SLAIN2: variants seen among roughly 807,000 people sequenced by gnomAD.
The protein encoded by SLAIN2 is SLAIN motif-containing protein 2.
A neutral mutation model predicts 56.6 loss-of-function variants in SLAIN2; 31 were observed. The ratio of observed to expected loss-of-function variants is 0.55; its 90% CI spans 0.41 to 0.74. SLAIN2 has a LOEUF of 0.74. Ranked by LOEUF, SLAIN2 falls within the 30% of genes least tolerant of loss-of-function variation. The pLI is 0.00. For missense variants in SLAIN2, 777 were observed against 754.2 expected (o/e 1.03, Z -0.35); for synonymous variants, 317 against 284.9 (o/e 1.11, Z -1.13).
Position 48,420,205 on chromosome 4 carries a change from C to T in SLAIN2, c.1441C>T (p.His481Tyr), listed in dbSNP as rs1717109449. The change falls in exon 7 of 8, where the codon CAT becomes TAT. Residue 481 changes from histidine to tyrosine, a missense_variant. His to Tyr is a moderately conservative substitution (Grantham distance 83, BLOSUM62 2). Coordinates refer to ENST00000264313, the MANE Select transcript of SLAIN2 (RefSeq NM_020846.2). ...LRQPVKAFSN[H>Y]GSGSPGSQEI... ...GCAACCAGTGAAAGCATTTAGTAACCATGGCTCTGGTTCTCCTGGTAGCCA... is the reference window on the plus strand; with the variant it reads ...GCAACCAGTGAAAGCATTTAGTAACTATGGCTCTGGTTCTCCTGGTAGCCA... 1 of 1,613,972 alleles carries T rather than the reference C, an allele frequency of 6.2e-7. No homozygotes were observed. Among genetic ancestry groups the T allele is most frequent in the Non-Finnish European group, 8.5e-7 (1 of 1,179,878 alleles).
intron 1 of SLAIN2, among the ~76,000 whole-genome samples, chr4:48,347,810 C>G (rs1343204079): frequency 6.6e-6 from 1 of 152,188 alleles, no homozygotes; most frequent in Non-Finnish European, 1.5e-5. Context: ...CATTCTGCTT[C>G]TCTGTCTATG....
At chr4:48,355,083 T>A (rs891066981) in intron 1 of SLAIN2, among the ~76,000 whole-genome samples, 13 of 151,942 alleles carry the variant, frequency 8.6e-5, no homozygotes, top group Admixed American at 2.6e-4. Context: ...GGTTTCGCCA[T>A]GTTGGCCAGG....
At chr4:48,353,497 A>G (rs768006680) in intron 1 of SLAIN2, among the ~76,000 whole-genome samples, 8 of 152,104 alleles carry the variant, frequency 5.3e-5, no homozygotes, top group Non-Finnish European at 1.2e-4. Flanking sequence ...TTTTTCCTTT[A>G]TAGTGAAAAT....
rs768057039 is a variant in SLAIN2, at chr4:48,369,894, G to A, written c.435G>A (p.Ser145=). ...AAAAACTTACACCAATGCAGAAATC[G>A]GTTAGTCCATTAGTTTGGTGCAGGC... The part of the protein sequence containing the change: ...PKKKLTPMQK[S]VSPLVWCRQV... Residue 145 remains serine, a synonymous_variant, in exon 2 of 8, where the codon TCG becomes TCA. Coordinates refer to ENST00000264313, the MANE Select transcript of SLAIN2 (RefSeq NM_020846.2). 6.2e-6 allele frequency: 10 copies of A among 1,613,562 alleles called. No individual in the cohort carries two copies. The highest frequency in any genetic ancestry group is 8.5e-6 in the Non-Finnish European group (10 of 1,179,662).
At chr4:48,368,911 A>C (rs771603694) in intron 1 of SLAIN2, among the ~76,000 whole-genome samples, 9 of 152,214 alleles carry the variant, frequency 5.9e-5, no homozygotes, top group Non-Finnish European at 1.2e-4. Flanking sequence ...TAGTTTGTCT[A>C]TTGTAGTTCT....
chr4:48,365,384 T>G lies in SLAIN2; in HGVS notation c.390-4465T>G, dbSNP rs1715486796. Reference sequence around the variant, plus strand: ...ACTCGGGAGGCTGAGGGAGAACAGCTTGAACCTGGGAAGTGGAGGTTGCAG... The same window carrying G: ...ACTCGGGAGGCTGAGGGAGAACAGCGTGAACCTGGGAAGTGGAGGTTGCAG... On this transcript the variant is annotated intron_variant, in intron 1 of 7. Transcript: ENST00000264313. 6.9e-5 allele frequency among the ~76,000 whole-genome samples: 10 copies of G among 145,196 alleles called. No homozygotes were observed. The Admixed American group carries it at 7.1e-4, about 10-fold the overall frequency.
intron 1 of SLAIN2, among the ~76,000 whole-genome samples, chr4:48,350,841 T>G (rs918613756): frequency 6.6e-6 from 1 of 152,260 alleles, no homozygotes; most frequent in Middle Eastern, 3.4e-3. Context: ...AATTAGAGAC[T>G]TTAGAGAAAA....
chr4:48,395,742 GA>G (rs1221542411), intron 6 of SLAIN2, among the ~76,000 whole-genome samples: 2 of 151,182 alleles, frequency 1.3e-5, no homozygotes, highest in Admixed American at 6.6e-5. Context: ...TGTTTGATGG[GA>G]AAGGAGGTGA....
At chr4:48,360,596 A>G (rs1715298535) in intron 1 of SLAIN2, among the ~76,000 whole-genome samples, 1 of 152,112 alleles carries the variant, frequency 6.6e-6, no homozygotes, top group Non-Finnish European at 1.5e-5. Flanking sequence ...TGTCTCCAAA[A>G]AAAATTAAAA....
intron 6 of SLAIN2, among the ~76,000 whole-genome samples, chr4:48,389,926 C>T (rs1244551653): frequency 6.6e-6 from 1 of 152,058 alleles, no homozygotes; most frequent in Non-Finnish European, 1.5e-5. Flanking sequence ...GAAGTTCACT[C>T]TGATATCAGT....
intron 6 of SLAIN2, among the ~76,000 whole-genome samples, chr4:48,404,814 A>G (rs1371162190): frequency 6.6e-6 from 1 of 152,182 alleles, no homozygotes; most frequent in Admixed American, 6.5e-5. Flanking sequence ...GGTCACCTGT[A>G]TCCAATCAAC....
chr4:48,363,980 C>G (rs1715431465), intron 1 of SLAIN2, among the ~76,000 whole-genome samples: 1 of 129,652 alleles, frequency 7.7e-6, no homozygotes, highest in African/African-American at 2.8e-5. Context: ...GGGCTGACCC[C>G]CCCCACCTCC....
intron 1 of SLAIN2, among the ~76,000 whole-genome samples, chr4:48,368,319 C>T (rs1192994228): frequency 6.6e-6 from 1 of 152,056 alleles, no homozygotes; most frequent in African/African-American, 2.4e-5. Context: ...CCTTGGCCTC[C>T]CAAAGTGCTG....
chr4:48,382,744 C>T lies in SLAIN2; in HGVS notation c.1039C>T (p.Arg347Cys), dbSNP rs373672744. 2 of 1,613,740 alleles carry T rather than the reference C, an allele frequency of 1.2e-6. No individual in the cohort carries two copies. The highest frequency in any genetic ancestry group is 1.1e-5 in the South Asian group (1 of 91,074). Reference protein sequence around the residue: ...PAVNRFSPSPRNSPRPSPKQS... With the variant: ...PAVNRFSPSPCNSPRPSPKQS... ...TGTTAACAGGTTTTCACCATCACCA[C>T]GCAATTCACCTCGACCGTCACCTAA... Residue 347 changes from arginine to cysteine, a missense_variant, in exon 5 of 8, where the codon CGC becomes TGC. Transcript: ENST00000264313.
intron 2 of SLAIN2, among the ~76,000 whole-genome samples, chr4:48,375,370 T>C (rs929358979): frequency 6.6e-6 from 1 of 152,224 alleles, no homozygotes; most frequent in African/African-American, 2.4e-5. Context: ...ACTGTCTAAC[T>C]AAACAGAAAA....
chr4:48,399,892 G>T (rs1716501883), intron 6 of SLAIN2, among the ~76,000 whole-genome samples: 2 of 152,048 alleles, frequency 1.3e-5, no homozygotes, highest in Admixed American at 1.3e-4. Flanking sequence ...ATGTGCTGCT[G>T]GGTTCAGTTT....
intron 6 of SLAIN2, among the ~76,000 whole-genome samples, chr4:48,412,061 C>T (rs1247436553): frequency 6.6e-6 from 1 of 152,126 alleles, no homozygotes; most frequent in Non-Finnish European, 1.5e-5. Flanking sequence ...CAAGAATCCT[C>T]ATAATTATGT....
At chr4:48,408,325 A>G (rs1716753958) in intron 6 of SLAIN2, among the ~76,000 whole-genome samples, 1 of 151,870 alleles carries the variant, frequency 6.6e-6, no homozygotes, top group Non-Finnish European at 1.5e-5. Flanking sequence ...AGACAACCCT[A>G]TCTCAAAAAA....
intron 1 of SLAIN2, among the ~76,000 whole-genome samples, chr4:48,356,827 G>A (rs988238237): frequency 6.6e-5 from 10 of 152,088 alleles, no homozygotes; most frequent in Non-Finnish European, 1.0e-4. Flanking sequence ...AGTGAGTCAT[G>A]AAATGAAAAT....
Sources: allele counts gnomAD v4.1 joint callset (sites outside exome capture counted in the v4.1 genomes callset), GRCh38; gene constraint gnomAD v4.1.1; transcripts MANE v1.5; gene names NCBI Gene and HGNC (gene_info 2026-07-23, HGNC 2026-07-21).